Variants in BCL11B observed in about 807,000 individuals in gnomAD.
The protein encoded by BCL11B is B-cell lymphoma/leukemia 11B.
BCL11B carries 8 observed loss-of-function variants against 49.9 expected under a neutral mutation model. The observed-to-expected ratio is 0.16, with a 90% CI of 0.09 to 0.29. BCL11B has a LOEUF of 0.29. Ranked by LOEUF, BCL11B falls within the 10% of genes least tolerant of loss-of-function variation. The probability of loss-of-function intolerance (pLI) is 1.00; values close to 1 mark genes in which losing one functional copy is unlikely to be tolerated. For missense variants in BCL11B, 1,006 were observed against 1,351.0 expected, an observed-to-expected ratio of 0.74 and a Z score of 4.00; for synonymous variants, 739 against 637.4, an observed-to-expected ratio of 1.16 and a Z score of -2.40.
chr14:99,211,256 G>A (rs1349561922), intron 3 of BCL11B, among the ~76,000 whole-genome samples: 8 of 152,158 alleles, frequency 5.3e-5, no homozygotes, highest in Admixed American at 6.5e-5. Context: ...AAGCACCATG[G>A]GAGCAGCAGA....
In BCL11B at chr14:99,179,831, T is replaced by C. The variant is rs185388397; in HGVS notation, c.641-3636A>G. ...TTTTTTAATAAAACATTCATTTCCT[T>C]ATTATCACTCCATGGTTATCTCTTG... On this transcript the variant is annotated intron_variant, in intron 3 of 3. Coordinates refer to ENST00000357195, the MANE Select transcript of BCL11B (RefSeq NM_138576.4). Among the ~76,000 whole-genome samples the C allele has an allele frequency of 6.4e-4, 98 of 152,246 alleles. No homozygotes were observed. The East Asian group carries it at 0.017, about 26-fold the overall frequency.
chr14:99,266,664 G>A (rs1050705161), intron 1 of BCL11B, among the ~76,000 whole-genome samples: 11 of 152,152 alleles, frequency 7.2e-5, no homozygotes, highest in Admixed American at 6.5e-4. Context: ...AACTGCCGCC[G>A]CTGCTGATGG....
In BCL11B at chr14:99,187,070, T is replaced by C. The variant is rs145084135; in HGVS notation, c.641-10875A>G. On this transcript the variant is annotated intron_variant, in intron 3 of 3. Transcript: ENST00000357195. The stretch of plus-strand genomic sequence containing the variant: ...ACAGGGAAGTATTAAAACTGAACTA[T>C]GGCTGCATGCACCCGAGATTTCCCA... 3.0e-3 allele frequency among the ~76,000 whole-genome samples: 455 copies of C among 152,316 alleles called. 3 individuals are homozygous for C. The highest frequency in any genetic ancestry group is 0.01 in the African/African-American group (427 of 41,582).
chr14:99,216,571 C>G (rs1207922453), intron 3 of BCL11B, among the ~76,000 whole-genome samples: 1 of 152,142 alleles, frequency 6.6e-6, no homozygotes, highest in African/African-American at 2.4e-5. Flanking sequence ...CTCAGTCTCC[C>G]CCAGGAGGTA....
In BCL11B at chr14:99,271,989, T is replaced by C. The variant is rs1889703879; in HGVS notation, c.-771A>G. On this transcript the variant is annotated 5_prime_UTR_variant, in exon 1 of 4. Coordinates refer to ENST00000357195, the MANE Select transcript of BCL11B (RefSeq NM_138576.4). Reference sequence around the variant, plus strand: ...AGGAGAGGCTCCTTCCCAGTTCACCTGGCAGGCTGGCGCCGGCCGGAGGGG... The same window carrying C: ...AGGAGAGGCTCCTTCCCAGTTCACCCGGCAGGCTGGCGCCGGCCGGAGGGG... Among the ~76,000 whole-genome samples, 1 of 151,948 alleles carries C rather than the reference T, an allele frequency of 6.6e-6. No individual in the cohort carries two copies. Among genetic ancestry groups the C allele is most frequent in the South Asian group, 2.1e-4 (1 of 4,826 alleles).
chr14:99,269,174 C>T (rs1263559812), intron 1 of BCL11B, among the ~76,000 whole-genome samples: 1 of 150,960 alleles, frequency 6.6e-6, no homozygotes, highest in Non-Finnish European at 1.5e-5. Context: ...AATTCCCCCT[C>T]CTCAAAAACA....
chr14:99,187,989 G>A (rs547305211), intron 3 of BCL11B, among the ~76,000 whole-genome samples: 9 of 152,276 alleles, frequency 5.9e-5, no homozygotes, highest in African/African-American at 1.2e-4. Flanking sequence ...CCTCGATACC[G>A]AGTTATATAG....
At chr14:99,269,875 TAAAAAAAAAAAAAAAAAAAAAAA>T (rs56659919) in intron 1 of BCL11B, among the ~76,000 whole-genome samples, 2 of 41,210 alleles carry the variant, frequency 4.9e-5, no homozygotes, top group South Asian at 1.4e-3. Context: ...CTATTGCAGT[TAAAAAAAAAAAAAAAAAAAAAAA>T]AAAAAAAAAA....
At chr14:99,210,542 C>T (rs1887656979) in intron 3 of BCL11B, among the ~76,000 whole-genome samples, 2 of 152,230 alleles carry the variant, frequency 1.3e-5, no homozygotes, top group South Asian at 4.2e-4. Flanking sequence ...TGCTCCAGCC[C>T]TTTCGTTCTG....
At chr14:99,243,918 TAAAAAAA>T (rs200999902) in intron 2 of BCL11B, among the ~76,000 whole-genome samples, 6,412 of 120,110 alleles carry the variant, frequency 0.053, 158 homozygotes, top group Non-Finnish European at 0.08. Flanking sequence ...ACATTGCTCC[TAAAAAAA>T]AAAAAAAAAA....
At position 99,170,056 on chromosome 14, in the gene BCL11B, A is replaced by G. The variant is rs932808776; in HGVS notation, c.*4095T>C. 3 of 227,508 alleles carry G rather than the reference A, an allele frequency of 1.3e-5. No individual in the cohort carries two copies. Among genetic ancestry groups the G allele is most frequent in the Non-Finnish European group, 2.6e-5 (3 of 114,262 alleles). The allele number at this position is 227,508 out of a possible 1,614,324, so 14.1% of individuals were successfully genotyped here. A position where few individuals can be genotyped will look rare whatever the true frequency, so the allele number is the denominator to read the frequency against. On this transcript the variant is annotated 3_prime_UTR_variant, in exon 4 of 4. Transcript: ENST00000357195. The stretch of plus-strand genomic sequence containing the variant: ...CTTCTCTGCAGTCACAGAGACACAC[A>G]ATGCTTGTGCTTTGGGATGGCTTAG...
chr14:99,238,895 T>G, intron 2 of BCL11B, among the ~76,000 whole-genome samples: 1 of 152,180 alleles, frequency 6.6e-6, no homozygotes, highest in Middle Eastern at 3.2e-3. Context: ...TGGGCAGGCC[T>G]GAGGACAACA....
chr14:99,198,598 G>A (rs530357366), intron 3 of BCL11B, among the ~76,000 whole-genome samples: 15 of 152,232 alleles, frequency 9.9e-5, no homozygotes, highest in Admixed American at 3.3e-4. Flanking sequence ...TCTTCAGGCC[G>A]TGGTCCTGGA....
rs1239364281 is a variant in BCL11B at position 99,175,247 on chromosome 14, G to A, written c.1589C>T (p.Pro530Leu). 2 of 1,545,844 alleles carry A rather than the reference G, an allele frequency of 1.3e-6. No homozygotes were observed. The highest frequency in any genetic ancestry group is 1.4e-5 in the African/African-American group (1 of 73,170). ...HESDPSLGHE[P>L]EEEDEEEEEE... Reference sequence around the variant, plus strand: ...CTCCTCCTCCTCGTCCTCCTCCTCCGGCTCGTGGCCCAGCGACGGGTCGCT... The same window carrying A: ...CTCCTCCTCCTCGTCCTCCTCCTCCAGCTCGTGGCCCAGCGACGGGTCGCT... The change falls in exon 4 of 4, where the codon CCG (proline) becomes CTG (leucine). Residue 530 changes from proline (P) to leucine (L), a missense_variant. Physicochemically the swap from Pro to Leu is moderately conservative, Grantham distance 98. Around this residue, in one of 6 missense-constraint regions of BCL11B, gnomAD observed 443 missense variants for 499.7 expected, o/e 0.89. Coordinates refer to ENST00000357195, the MANE Select transcript of BCL11B (RefSeq NM_138576.4).
chr14:99,199,529 G>A (rs188501086), intron 3 of BCL11B, among the ~76,000 whole-genome samples: 5 of 152,180 alleles, frequency 3.3e-5, no homozygotes, highest in African/African-American at 9.6e-5. Context: ...GAGCGCTCTC[G>A]ACTGAAACAA....
In BCL11B at chr14:99,257,794, C is replaced by A. The variant is rs2139954283; in HGVS notation, c.104G>T (p.Gly35Val). The A allele has an allele frequency of 1.3e-6, 2 of 1,565,126 alleles. No homozygotes were observed. The highest frequency in any genetic ancestry group is 1.7e-6 in the Non-Finnish European group (2 of 1,154,020). ...GCCACTTGGCTCCTCTATCTCCAGA[C>A]CCTCGTCTTCTTCGAGGATGGCGGC... is the stretch of plus-strand genomic sequence containing the variant. The part of the protein sequence containing the change: ...VEAAILEEDE[G>V]LEIEEPSGLG... Residue 35 changes from glycine (G) to valine (V), a missense_variant, in exon 2 of 4, where the codon GGT becomes GTT. Gly to Val is a moderately radical substitution (Grantham distance 109). Coordinates refer to ENST00000357195, the MANE Select transcript of BCL11B (RefSeq NM_138576.4). The surrounding 1 kb of genome is among the most constrained non-coding windows in gnomAD (Gnocchi z 6.2).
chr14:99,192,890 T>C lies in BCL11B; in HGVS notation c.641-16695A>G, dbSNP rs951850054. 4.7e-5 allele frequency among the ~76,000 whole-genome samples: 7 copies of C among 149,762 alleles called. No individual in the cohort carries two copies. Among genetic ancestry groups the C allele is most frequent in the Non-Finnish European group, 1.5e-5 (1 of 67,296 alleles). ...ATGAGTGAATGAATGAATGAATGAA[T>C]GAATGAGTGAATGAATGGATAAAAG... On this transcript the variant is annotated intron_variant, in intron 3 of 3. Transcript: ENST00000357195. The surrounding 1 kb of genome is among the most constrained non-coding windows in gnomAD (Gnocchi z 4.0).
intron 3 of BCL11B, among the ~76,000 whole-genome samples, chr14:99,202,784 G>A (rs962041823): frequency 6.6e-6 from 1 of 152,206 alleles, no homozygotes; most frequent in Non-Finnish European, 1.5e-5. Context: ...GAGGCCACCT[G>A]GAGCCGGTAG....
chr14:99,246,624 C>T (rs897140209), intron 2 of BCL11B, among the ~76,000 whole-genome samples: 3 of 152,228 alleles, frequency 2.0e-5, no homozygotes, highest in African/African-American at 7.2e-5. Context: ...CCCCGCGGAG[C>T]TCTGCGCCCC....
Sources: gnomAD v4.1 joint callset for allele counts (sites outside exome capture counted in the v4.1 genomes callset) on GRCh38, gnomAD v4.1.1 for gene constraint, gnomAD v4.1.1 regional missense constraint, Gnocchi (gnomAD v3.1) non-coding constraint, MANE v1.5 for transcripts, NCBI Gene and HGNC (gene_info 2026-07-23, HGNC 2026-07-21) for gene names.